Variants in CHN2 observed in about 807,000 individuals in gnomAD.
CHN2 encodes beta-chimaerin.
Under a neutral mutation model 56.3 loss-of-function variants are expected in CHN2, and 35 were observed. That is an observed-to-expected ratio of 0.62 (90% CI 0.47 to 0.82). CHN2 has a LOEUF of 0.82. Ranked by LOEUF, CHN2 falls within the 40% of genes least tolerant of loss-of-function variation. The pLI is 0.00. For synonymous variants in CHN2, 210 were observed against 212.8 expected, an observed-to-expected ratio of 0.99 and a Z score of 0.12; for missense variants, 491 against 580.5, an observed-to-expected ratio of 0.85 and a Z score of 1.58.
chr7:29,470,710 C>T lies in CHN2; in HGVS notation c.577-9569C>T, dbSNP rs534868790. Among the ~76,000 whole-genome samples the T allele has an allele frequency of 8.9e-4, 135 of 152,302 alleles. No individual in the cohort carries two copies. The Middle Eastern group carries it at 0.01, about 12-fold the overall frequency. On this transcript the variant is annotated intron_variant, in intron 6 of 12. Coordinates refer to ENST00000222792, the MANE Select transcript of CHN2 (RefSeq NM_004067.4). ...CAAGAAAGTAGTGGACAAGAAAATGCAATTTGACAAATGTCTGGCCTTTCG... is the reference window on the plus strand; with the variant it reads ...CAAGAAAGTAGTGGACAAGAAAATGTAATTTGACAAATGTCTGGCCTTTCG...
At chr7:29,410,771 G>A (rs898089379) in intron 6 of CHN2, among the ~76,000 whole-genome samples, 1 of 152,048 alleles carries the variant, frequency 6.6e-6, no homozygotes, top group African/African-American at 2.4e-5. Context: ...CCTTTGTAAG[G>A]GGAGAAAAAG....
At chr7:29,396,947 C>T (rs1801804030) in intron 4 of CHN2, 1 of 152,366 alleles carries the variant, frequency 6.6e-6, no homozygotes, top group African/African-American at 2.4e-5. Flanking sequence ...TATGCAGGGC[C>T]AGTTAGACCC....
intron 1 of CHN2, among the ~76,000 whole-genome samples, chr7:29,320,366 G>T (rs12700953): frequency 0.24 from 36,806 of 151,990 alleles, 4,972 homozygotes; most frequent in Non-Finnish European, 0.31. Flanking sequence ...CTGCAGGGGG[G>T]TGCTAATCAG....
chr7:29,459,519 T>C (rs1290687538), intron 6 of CHN2, among the ~76,000 whole-genome samples: 2 of 152,160 alleles, frequency 1.3e-5, no homozygotes, highest in Non-Finnish European at 2.9e-5. Flanking sequence ...GTGGGTCAGG[T>C]GGAGAGCCCA....
intron 1 of CHN2, among the ~76,000 whole-genome samples, chr7:29,224,504 A>G (rs1786046134): frequency 6.6e-6 from 1 of 152,194 alleles, no homozygotes; most frequent in Admixed American, 6.5e-5. Flanking sequence ...CAGGAGAGAA[A>G]TTCAGAAGCT....
chr7:29,370,480 C>T lies in CHN2; in HGVS notation c.144+2493C>T, dbSNP rs568340373. Among the ~76,000 whole-genome samples, 93 of 152,150 alleles carry T rather than the reference C, an allele frequency of 6.1e-4. 1 individual carries two copies. Among genetic ancestry groups the T allele is most frequent in the African/African-American group, 1.9e-3 (78 of 41,512 alleles). ...GTACGTTTTCCTATTACATCTCATC[C>T]GTTAGCTAAGAGCCCGCATCTTCCT... is the stretch of plus-strand genomic sequence containing the variant. On this transcript the variant is annotated intron_variant, in intron 3 of 12. Transcript: ENST00000222792.
At chr7:29,254,732 A>G (rs1268537485) in intron 1 of CHN2, among the ~76,000 whole-genome samples, 1 of 152,156 alleles carries the variant, frequency 6.6e-6, no homozygotes, top group African/African-American at 2.4e-5. Context: ...AGGAGGGGCC[A>G]ATCTCTCTGT....
intron 2 of CHN2, among the ~76,000 whole-genome samples, chr7:29,355,564 G>A (rs1277625699): frequency 4.6e-5 from 7 of 151,920 alleles, no homozygotes. Flanking sequence ...TCCCCAGTGA[G>A]AGAGGGCAGG....
At chr7:29,274,206 C>A (rs187167374) in intron 1 of CHN2, among the ~76,000 whole-genome samples, 1 of 152,292 alleles carries the variant, frequency 6.6e-6, no homozygotes, top group African/African-American at 2.4e-5. Context: ...ACAGGCTGGC[C>A]AAGTTCTTGC....
At chr7:29,437,459 G>A (rs1286018668) in intron 6 of CHN2, among the ~76,000 whole-genome samples, 1 of 132,022 alleles carries the variant, frequency 7.6e-6, no homozygotes, top group South Asian at 2.3e-4. Context: ...TTAGCCGGGC[G>A]TGGTGGCGGG....
intron 7 of CHN2, chr7:29,483,805 C>T (rs889974956): frequency 6.9e-6 from 8 of 1,162,604 alleles, no homozygotes; most frequent in Non-Finnish European, 8.6e-6. Context: ...GGCTTCCTGC[C>T]CACACTTAGC....
At chr7:29,507,430 G>C in intron 11 of CHN2, 65 bp downstream of exon 11, 1 of 1,245,340 alleles carries the variant, frequency 8.0e-7, no homozygotes. Context: ...TTGACCTTCA[G>C]ATAATTAAAA....
At chr7:29,482,383 G>C (rs867556215) in intron 7 of CHN2, among the ~76,000 whole-genome samples, 64 of 152,094 alleles carry the variant, frequency 4.2e-4, no homozygotes, top group African/African-American at 1.5e-3. Flanking sequence ...CATCCCCTTT[G>C]TCCTTCCTTG....
chr7:29,404,799 A>G (rs1457632615), intron 6 of CHN2, among the ~76,000 whole-genome samples: 1 of 152,126 alleles, frequency 6.6e-6, no homozygotes, highest in African/African-American at 2.4e-5. Flanking sequence ...TCGTGGGCTC[A>G]AGCGATCCTC....
At chr7:29,280,512 G>A (rs1010334150) in intron 1 of CHN2, among the ~76,000 whole-genome samples, 5 of 152,154 alleles carry the variant, frequency 3.3e-5, no homozygotes, top group East Asian at 1.9e-4. Context: ...ACTTACAGTT[G>A]GAGTTACCCA....
chr7:29,399,594 C>T (rs1758454272), intron 5 of CHN2, among the ~76,000 whole-genome samples: 1 of 152,162 alleles, frequency 6.6e-6, no homozygotes, highest in Admixed American at 6.5e-5. Context: ...ACTGAATTGT[C>T]TTCCAAAAGT....
chr7:29,509,478 C>A, intron 12 of CHN2, 72 bp downstream of exon 12: 1 of 1,145,106 alleles, frequency 8.7e-7, no homozygotes, highest in Non-Finnish European at 1.3e-6. Flanking sequence ...AAGTGGACGG[C>A]ATTCCTCCCC....
At chr7:29,507,115 G>T (rs1199278035) in intron 10 of CHN2, 113 bp from the exon 11 acceptor site, 6 of 971,490 alleles carry the variant, frequency 6.2e-6, no homozygotes, top group Non-Finnish European at 9.0e-6. Context: ...AAAAGAGTTA[G>T]CTGAGACTTG....
chr7:29,381,263 G>A (rs1800473957), intron 3 of CHN2, among the ~76,000 whole-genome samples: 1 of 152,106 alleles, frequency 6.6e-6, no homozygotes. Flanking sequence ...CTGGCTTGAT[G>A]GGAGAAAACA....
Sources: allele counts gnomAD v4.1 joint callset (sites outside exome capture counted in the v4.1 genomes callset), GRCh38; gene constraint gnomAD v4.1.1; transcripts MANE v1.5; gene names NCBI Gene and HGNC (gene_info 2026-07-23, HGNC 2026-07-21).